Variants in GPC6 observed in about 807,000 individuals in gnomAD.
The protein encoded by GPC6 is glypican-6.
GPC6 carries 14 observed loss-of-function variants against 55.2 expected under a neutral mutation model. That is an observed-to-expected ratio of 0.25 (90% confidence interval 0.17 to 0.40). The LOEUF is 0.40. GPC6 is among the 10% of genes least tolerant of loss of function. The pLI is 1.00. For missense variants in GPC6, 641 were observed against 708.5 expected (o/e 0.90, Z 1.08); for synonymous variants, 278 against 259.6 (o/e 1.07, Z -0.68).
At chr13:93,504,676 G>A (rs1594219066) in intron 1 of GPC6, among the ~76,000 whole-genome samples, 1 of 151,422 alleles carries the variant, frequency 6.6e-6, no homozygotes, top group Non-Finnish European at 1.5e-5. Context: ...AAATCTTGAG[G>A]TGATAATAAT....
chr13:94,057,674 T>C (rs1276809506), intron 4 of GPC6, among the ~76,000 whole-genome samples: 1 of 152,206 alleles, frequency 6.6e-6, no homozygotes, highest in Admixed American at 6.5e-5. Context: ...TATACTGTTT[T>C]ACACATCTGT....
chr13:94,012,834 A>G (rs1882302172), intron 3 of GPC6, among the ~76,000 whole-genome samples: 1 of 152,214 alleles, frequency 6.6e-6, no homozygotes, highest in Non-Finnish European at 1.5e-5. Context: ...CTAGAAATTC[A>G]TAGCTTTTAC....
At chr13:93,248,853 G>A (rs1876693074) in intron 1 of GPC6, among the ~76,000 whole-genome samples, 2 of 152,172 alleles carry the variant, frequency 1.3e-5, no homozygotes, top group South Asian at 4.1e-4. Flanking sequence ...GGAAGTGGCT[G>A]GAGCTGATAC....
At chr13:93,771,919 G>T (rs1885314087) in intron 2 of GPC6, among the ~76,000 whole-genome samples, 1 of 152,158 alleles carries the variant, frequency 6.6e-6, no homozygotes, top group African/African-American at 2.4e-5. Flanking sequence ...ATTGTACCTT[G>T]TTCTGCCTGC....
intron 3 of GPC6, among the ~76,000 whole-genome samples, chr13:93,909,612 A>G (rs1876856234): frequency 6.6e-6 from 1 of 152,184 alleles, no homozygotes. Context: ...CCCTGTTTGA[A>G]GTTGCTGACC....
chr13:94,357,945 C>A (rs1050874541), intron 6 of GPC6, among the ~76,000 whole-genome samples: 1 of 152,170 alleles, frequency 6.6e-6, no homozygotes, highest in Non-Finnish European at 1.5e-5. Context: ...CGGTATCTTG[C>A]ACAGAGAAAA....
chr13:93,900,282 A>C (rs1042467304), intron 3 of GPC6, among the ~76,000 whole-genome samples: 2 of 152,132 alleles, frequency 1.3e-5, no homozygotes, highest in African/African-American at 4.8e-5. Context: ...GGGCACATAA[A>C]AAAAGCCAAA....
At chr13:93,996,147 T>C (rs1468772591) in intron 3 of GPC6, among the ~76,000 whole-genome samples, 1 of 152,226 alleles carries the variant, frequency 6.6e-6, no homozygotes, top group Non-Finnish European at 1.5e-5. Flanking sequence ...TTTGAAGATG[T>C]AGTACACAAG....
At chr13:94,219,968 G>GT (rs1429444118) in intron 4 of GPC6, among the ~76,000 whole-genome samples, 2 of 152,064 alleles carry the variant, frequency 1.3e-5, no homozygotes, top group Non-Finnish European at 2.9e-5. Context: ...AGAAGTCAAA[G>GT]TTTTTTCCAT....
intron 1 of GPC6, among the ~76,000 whole-genome samples, chr13:93,388,895 G>A (rs61965694): frequency 0.34 from 51,705 of 152,062 alleles, 11,316 homozygotes; most frequent in Non-Finnish European, 0.5. Context: ...ATGAGTGTGT[G>A]AGTGAGTCAG....
intron 4 of GPC6, among the ~76,000 whole-genome samples, chr13:94,064,080 C>T (rs1037595059): frequency 6.6e-6 from 1 of 152,162 alleles, no homozygotes; most frequent in Non-Finnish European, 1.5e-5. Flanking sequence ...AGAATCAACA[C>T]ACCCTGGTCT....
At chr13:93,288,786 A>G (rs139052138) in intron 1 of GPC6, among the ~76,000 whole-genome samples, 5 of 152,330 alleles carry the variant, frequency 3.3e-5, no homozygotes, top group African/African-American at 1.2e-4. Context: ...TTGTAGGGCA[A>G]CCTGCAGGCA....
intron 1 of GPC6, among the ~76,000 whole-genome samples, chr13:93,264,709 T>A (rs187956211): frequency 2.0e-5 from 3 of 152,244 alleles, no homozygotes; most frequent in African/African-American, 7.2e-5. Flanking sequence ...TCCTGTATAC[T>A]TTAAATCATC....
At chr13:93,459,161 C>T (rs1878585896) in intron 1 of GPC6, among the ~76,000 whole-genome samples, 1 of 152,192 alleles carries the variant, frequency 6.6e-6, no homozygotes, top group Non-Finnish European at 1.5e-5. Context: ...TGGATTCAAG[C>T]AATCCTCCCG....
intron 4 of GPC6, among the ~76,000 whole-genome samples, chr13:94,067,252 T>G (rs1884550257): frequency 6.6e-6 from 1 of 152,144 alleles, no homozygotes; most frequent in South Asian, 2.1e-4. Context: ...TTGAATAACT[T>G]ATTCATACAT....
intron 2 of GPC6, among the ~76,000 whole-genome samples, chr13:93,746,039 A>T (rs1884385145): frequency 6.6e-6 from 1 of 152,226 alleles, no homozygotes; most frequent in African/African-American, 2.4e-5. Flanking sequence ...TGGAAACCTT[A>T]GTTATCACAT....
At chr13:93,780,730 A>G (rs546060422) in intron 2 of GPC6, among the ~76,000 whole-genome samples, 1 of 152,322 alleles carries the variant, frequency 6.6e-6, no homozygotes, top group African/African-American at 2.4e-5. Context: ...GAATGATTCA[A>G]CAATAATCTG....
rs1421569835 is a variant in GPC6, at chr13:93,313,483, G to C, written c.160+85867G>C. Among the ~76,000 whole-genome samples, 4 of 152,094 alleles carry C rather than the reference G, an allele frequency of 2.6e-5. No individual in the cohort carries two copies. In the East Asian group the frequency reaches 7.7e-4, roughly 29 times the overall value. On this transcript the variant is annotated intron_variant, in intron 1 of 8. Coordinates refer to ENST00000377047, the MANE Select transcript of GPC6 (RefSeq NM_005708.5). ...AACTCCTGAGATGACCAGCAGCATA[G>C]CCTTTAGCCCATTTGTGTTCATTTT...
At chr13:93,557,870 A>G (rs1875565946) in intron 2 of GPC6, among the ~76,000 whole-genome samples, 1 of 152,136 alleles carries the variant, frequency 6.6e-6, no homozygotes, top group African/African-American at 2.4e-5. Flanking sequence ...AATGGCTGAG[A>G]TTATTTTTCT....
Sources: allele counts gnomAD v4.1 joint callset (sites outside exome capture counted in the v4.1 genomes callset), GRCh38; gene constraint gnomAD v4.1.1; transcripts MANE v1.5; gene names NCBI Gene and HGNC (gene_info 2026-07-23, HGNC 2026-07-21).